Variants in TP63 observed in about 807,000 individuals in gnomAD.
TP63 encodes the protein tumor protein 63.
In TP63, 17 loss-of-function variants were observed where a neutral mutation model predicts 82.8. That is an observed-to-expected ratio of 0.21 (90% CI 0.14 to 0.31). The LOEUF (loss-of-function observed/expected upper bound fraction) is 0.31, where lower values mean the gene tolerates loss of function less well. Ranked by LOEUF, TP63 falls within the 10% of genes least tolerant of loss-of-function variation. The pLI is 1.00. For synonymous variants in TP63, 330 were observed against 321.7 expected (o/e 1.03, Z -0.28); for missense variants, 648 against 895.3 (o/e 0.72, Z 3.52).
chr3:189,783,044 TAATA>T lies in TP63; in HGVS notation c.325-25223_325-25220del, dbSNP rs568165027. ...AATTTGCTTATATGATAGTGTATTT[TAATA>T]AATAGTGTAATAATTTTTGCTGTAT... On this transcript the variant is annotated intron_variant, in intron 3 of 13. Transcript: ENST00000264731. 5.9e-5 allele frequency among the ~76,000 whole-genome samples: 9 copies of T among 152,150 alleles called. No homozygotes were observed. In the East Asian group the frequency reaches 1.5e-3, roughly 26 times the overall value.
intron 8 of TP63, 28 bp from the exon 9 acceptor site, chr3:189,869,296 G>A: frequency 1.3e-6 from 2 of 1,596,462 alleles, no homozygotes; most frequent in South Asian, 1.1e-5. Context: ...GTGTTCCCAG[G>A]ATGAAACTTG....
intron 4 of TP63, among the ~76,000 whole-genome samples, chr3:189,862,765 C>G (rs1377927720): frequency 6.6e-6 from 1 of 152,144 alleles, no homozygotes; most frequent in Non-Finnish European, 1.5e-5. Context: ...CAAAAATACC[C>G]ATCTAGATTT....
In TP63 at chr3:189,889,337, C is replaced by T. The variant is rs746704989; in HGVS notation, c.1508-3C>T. 21 of 1,614,054 alleles carry T rather than the reference C, an allele frequency of 1.3e-5. 2 individuals carry two copies. In the South Asian group the frequency reaches 2.3e-4, roughly 18 times the overall value. On this transcript the variant is annotated splice_region_variant and splice_polypyrimidine_tract_variant and intron_variant, in intron 11 of 13. Coordinates refer to ENST00000264731, the MANE Select transcript of TP63 (RefSeq NM_003722.5). ...CCTTTTTGTTCCTCCTGCTTCTGTT[C>T]AGTTCCCATGATGGGCACCCACATG... is the stretch of plus-strand genomic sequence containing the variant.
intron 4 of TP63, among the ~76,000 whole-genome samples, chr3:189,814,435 C>A (rs552916782): frequency 6.6e-6 from 1 of 152,246 alleles, no homozygotes. Context: ...GTCAGTAGCT[C>A]GTGCCACTGG....
chr3:189,622,645 C>G, the TP63 span, among the ~76,000 whole-genome samples: 1 of 152,194 alleles, frequency 6.6e-6, no homozygotes, highest in Admixed American at 6.5e-5. Flanking sequence ...CGTCTCAACA[C>G]CAGGCATACC....
chr3:189,647,132 A>G lies in TP63; in HGVS notation c.62+15555A>G, dbSNP rs1300961943. 4.8e-5 allele frequency among the ~76,000 whole-genome samples: 7 copies of G among 146,916 alleles called. 1 individual carries two copies. The highest frequency in any genetic ancestry group is 1.0e-4 in the Non-Finnish European group (7 of 67,262). On this transcript the variant is annotated intron_variant, in intron 1 of 13. Transcript: ENST00000264731. ...GCTTCCAAGAACTCCAACAGCCTTA[A>G]CAAATAGACATCAGTGTTCTTTGCC...
intron 1 of TP63, among the ~76,000 whole-genome samples, chr3:189,675,922 T>C (rs1450136844): frequency 7.6e-6 from 1 of 130,998 alleles, no homozygotes; most frequent in Non-Finnish European, 1.7e-5. Flanking sequence ...CACAAGTCCT[T>C]TTTTTTCCAG....
chr3:189,849,124 A>G (rs1715311572), intron 4 of TP63, among the ~76,000 whole-genome samples: 1 of 152,208 alleles, frequency 6.6e-6, no homozygotes, highest in African/African-American at 2.4e-5. Flanking sequence ...AGAGTTTTAG[A>G]GGTTGAAGCC....
At chr3:189,807,555 A>T (rs1490377266) in intron 3 of TP63, among the ~76,000 whole-genome samples, 1 of 152,232 alleles carries the variant, frequency 6.6e-6, no homozygotes, top group African/African-American at 2.4e-5. Context: ...TCTCTTACAA[A>T]TGTTCTACTC....
intron 4 of TP63, among the ~76,000 whole-genome samples, chr3:189,852,269 ACTT>A (rs1715733851): frequency 6.6e-6 from 1 of 152,140 alleles, no homozygotes; most frequent in Non-Finnish European, 1.5e-5. Flanking sequence ...TTCCAGTGTT[ACTT>A]CATGTAATTT....
intron 3 of TP63, among the ~76,000 whole-genome samples, chr3:189,763,369 A>G (rs964963115): frequency 6.6e-6 from 1 of 152,182 alleles, no homozygotes; most frequent in African/African-American, 2.4e-5. Context: ...GTAGAGCATG[A>G]TATATTTTTC....
chr3:189,631,276 G>A, upstream of TP63: 3 of 1,316,436 alleles, frequency 2.3e-6, no homozygotes, highest in Middle Eastern at 3.1e-4. Flanking sequence ...TGCCCAGCTG[G>A]TAAGAATCGA....
chr3:189,684,638 T>TC (rs1716278996), intron 1 of TP63, among the ~76,000 whole-genome samples: 1 of 150,862 alleles, frequency 6.6e-6, no homozygotes, highest in Non-Finnish European at 1.5e-5. Flanking sequence ...CTTTCTTTTT[T>TC]TTTTTTTTTT....
At chr3:189,762,566 G>C (rs189016614) in intron 3 of TP63, among the ~76,000 whole-genome samples, 34 of 152,284 alleles carry the variant, frequency 2.2e-4, no homozygotes, top group Admixed American at 8.5e-4. Context: ...CATTTAAAAA[G>C]TTAAAAGGTA....
rs185094663 is a variant in TP63 at position 189,697,349 on chromosome 3, C to T, written c.63-40391C>T. Among the ~76,000 whole-genome samples the T allele has an allele frequency of 9.9e-5, 15 of 150,922 alleles. No individual in the cohort carries two copies. In the East Asian group the frequency reaches 2.1e-3, roughly 22 times the overall value. ...TTCTTCTTTGCCCAAGATCAGTTGA[C>T]GGTATTTGTATGGGTCTGTATATAT... On this transcript the variant is annotated intron_variant, in intron 1 of 13. Transcript: ENST00000264731.
intron 1 of TP63, among the ~76,000 whole-genome samples, chr3:189,649,587 C>T (rs1476688671): frequency 6.8e-6 from 1 of 146,748 alleles, no homozygotes; most frequent in Non-Finnish European, 1.5e-5. Context: ...ATGAGTCTAC[C>T]TATACAACCA....
intron 1 of TP63, among the ~76,000 whole-genome samples, chr3:189,657,927 G>T (rs1022600594): frequency 6.6e-6 from 1 of 152,054 alleles, no homozygotes; most frequent in Non-Finnish European, 1.5e-5. Context: ...CACCTAAGTA[G>T]TTACAAGCAC....
At chr3:189,667,168 A>AT (rs11439554) in intron 1 of TP63, among the ~76,000 whole-genome samples, 65,720 of 121,772 alleles carry the variant, frequency 0.54, 18,150 homozygotes, top group East Asian at 0.72. Context: ...AGAAGTTAGA[A>AT]TTTTTTTTTT....
chr3:189,874,718 A>T (rs1718834532), intron 10 of TP63, among the ~76,000 whole-genome samples: 1 of 152,230 alleles, frequency 6.6e-6, no homozygotes. Flanking sequence ...AGATGGAAAT[A>T]TATACTAACA....
Sources: gnomAD v4.1 joint callset for allele counts (sites outside exome capture counted in the v4.1 genomes callset) on GRCh38, gnomAD v4.1.1 for gene constraint, MANE v1.5 for transcripts, NCBI Gene and HGNC (gene_info 2026-07-23, HGNC 2026-07-21) for gene names.